Variants in VARS2 observed in about 807,000 individuals in gnomAD.
The protein encoded by VARS2 is valine--tRNA ligase, mitochondrial.
VARS2 carries 105 observed loss-of-function variants against 154.1 expected under a neutral mutation model. The ratio of observed to expected loss-of-function variants is 0.68; its 90% CI spans 0.58 to 0.80. The LOEUF (loss-of-function observed/expected upper bound fraction) is 0.80. Among genes scored for constraint, VARS2 ranks in the 30% least tolerant of loss-of-function variants. The probability of loss-of-function intolerance (pLI) is 0.00; values close to 1 mark genes in which losing one functional copy is unlikely to be tolerated. For missense variants in VARS2, 1,157 were observed against 1,361.4 expected (o/e 0.85, Z 2.36); for synonymous variants, 483 against 539.5 (o/e 0.90, Z 1.45).
intron 4 of VARS2, 60 bp downstream of exon 4, chr6:30,915,515 C>A (rs1794099004): frequency 6.5e-7 from 1 of 1,534,242 alleles, no homozygotes; most frequent in African/African-American, 1.4e-5. Flanking sequence ...CCCTTGAATA[C>A]AACTGGACCT....
Position 30,920,282 on chromosome 6 carries a change from T to G in VARS2, c.1294-51T>G. The G allele has an allele frequency of 6.4e-7, 1 of 1,572,476 alleles. No homozygotes were observed. The highest frequency in any genetic ancestry group is 8.6e-7 in the Non-Finnish European group (1 of 1,160,886). On this transcript the variant is annotated intron_variant, in intron 13 of 29. Coordinates refer to ENST00000676266, the MANE Select transcript of VARS2 (RefSeq NM_020442.6). The surrounding 1 kb of genome is among the most constrained non-coding windows in gnomAD (Gnocchi z 4.6). Reference sequence around the variant, plus strand: ...TGTCCCCCTAATCCTCCTCCTAGTTTCTTATTTCTCTAGAGGCCTTCAGTC... The same window carrying G: ...TGTCCCCCTAATCCTCCTCCTAGTTGCTTATTTCTCTAGAGGCCTTCAGTC...
rs771911030 is a variant in VARS2 at position 30,919,780 on chromosome 6, G to T, written c.1097G>T (p.Arg366Leu). The change falls in exon 12 of 30, where the codon CGT (arginine) becomes CTT (leucine). Residue 366 changes from arginine to leucine, a missense_variant. Transcript: ENST00000676266. The surrounding 1 kb of genome is among the most constrained non-coding windows in gnomAD (Gnocchi z 4.5). The part of the protein sequence containing the change: ...RYTHLHGRQL[R>L]HPLMGQPLPL... The stretch of plus-strand genomic sequence containing the variant: ...CAGCATCTACACGGGCGACAGCTTC[G>T]TCACCCCTTGATGGGGCAGCCTCTT... 6.4e-5 allele frequency: 101 copies of T among 1,587,470 alleles called. No individual in the cohort carries two copies. Among genetic ancestry groups the T allele is most frequent in the Non-Finnish European group, 8.6e-5 (100 of 1,163,482 alleles).
intron 26 of VARS2, 41 bp from the exon 27 acceptor site, chr6:30,925,233 C>T: frequency 3.9e-6 from 6 of 1,531,210 alleles, no homozygotes; most frequent in East Asian, 2.3e-5. Context: ...CTGAGTCTCC[C>T]AGGAGCCCCT....
intron 20 of VARS2, 26 bp from the exon 21 acceptor site, chr6:30,922,424 C>T (rs201336919): frequency 1.9e-6 from 3 of 1,610,076 alleles, no homozygotes; most frequent in East Asian, 2.2e-5. Context: ...GGAAACCCCC[C>T]TCTGTTGACC....
rs755662743 is a variant in VARS2 at position 30,915,462 on chromosome 6, A to G, written c.384+7A>G. On this transcript the variant is annotated splice_region_variant and intron_variant, in intron 4 of 29. Coordinates refer to ENST00000676266, the MANE Select transcript of VARS2 (RefSeq NM_020442.6). ...CTTCAAACCAGAATATCAGGTTAGT[A>G]TCTGGCAGGGAGGGGTCCTAAATTG... 3.7e-6 allele frequency: 6 copies of G among 1,613,220 alleles called. No homozygotes were observed. In the East Asian group the frequency reaches 8.9e-5, roughly 24 times the overall value.
At chr6:30,925,431 G>T (rs771434082) in intron 27 of VARS2, 46 bp downstream of exon 27, 19 of 1,582,612 alleles carry the variant, frequency 1.2e-5, no homozygotes, top group Non-Finnish European at 1.6e-5. Context: ...AGGAAAAGGG[G>T]GCTGGTGGGG....
chr6:30,920,900 C>T lies in VARS2; in HGVS notation c.1479+151C>T. 9.0e-7 allele frequency: 1 copy of T among 1,114,782 alleles called. No individual in the cohort carries two copies. The highest frequency in any genetic ancestry group is 1.6e-5 in the South Asian group (1 of 61,226). 69.1% of individuals were successfully genotyped at this position (1,114,782 alleles called of 1,614,324 possible). ...GATGTGTGGGATGGAGGCTGGGCGGCCCAGCAAGGGCTGGCTCATATCCTT... is the reference window on the plus strand; with the variant it reads ...GATGTGTGGGATGGAGGCTGGGCGGTCCAGCAAGGGCTGGCTCATATCCTT... On this transcript the variant is annotated intron_variant, in intron 15 of 29. Coordinates refer to ENST00000676266, the MANE Select transcript of VARS2 (RefSeq NM_020442.6). The surrounding 1 kb of genome is among the most constrained non-coding windows in gnomAD (Gnocchi z 4.6).
chr6:30,916,100 CAA>C lies in VARS2; in HGVS notation c.574-50_574-49del. 2.0e-6 allele frequency: 3 copies of C among 1,522,780 alleles called. No individual in the cohort carries two copies. The highest frequency in any genetic ancestry group is 2.5e-5 in the East Asian group (1 of 40,236). The allele number at this position is 1,522,780 out of a possible 1,614,324, so 94.3% of individuals were successfully genotyped here. On this transcript the variant is annotated intron_variant, in intron 6 of 29. Transcript: ENST00000676266. This position sits in a 1 kb window ranked among gnomAD's most constrained non-coding sequence, Gnocchi z 4.0. ...CTTGGGCAAAAGCAATTTCTTCCCCCAAAGCAACCAAGCAACCTGACTCTGTT... is the reference window on the plus strand; with the variant it reads ...CTTGGGCAAAAGCAATTTCTTCCCCCAGCAACCAAGCAACCTGACTCTGTT...
chr6:30,915,582 G>T, intron 4 of VARS2, 127 bp downstream of exon 4: 2 of 1,441,558 alleles, frequency 1.4e-6, no homozygotes, highest in South Asian at 1.3e-5. Context: ...TGTCTCCAAA[G>T]ATTTCTCTTG....
At position 30,917,359 on chromosome 6, in the gene VARS2, C is replaced by T; in HGVS notation, c.873+135C>T. The T allele has an allele frequency of 1.4e-6, 2 of 1,412,282 alleles. No individual in the cohort carries two copies. Among genetic ancestry groups the T allele is most frequent in the Non-Finnish European group, 2.0e-6 (2 of 1,016,258 alleles). The allele number at this position is 1,412,282 out of a possible 1,614,324, so 87.5% of individuals were successfully genotyped here. A position where few individuals can be genotyped will look rare whatever the true frequency, so the allele number is the denominator to read the frequency against. ...CCTGTTACAGCTGTGTGGCTTTTGGCAGGCCGTTTAGTCTCTTTAAGCCTC... is the reference window on the plus strand; with the variant it reads ...CCTGTTACAGCTGTGTGGCTTTTGGTAGGCCGTTTAGTCTCTTTAAGCCTC... On this transcript the variant is annotated intron_variant, in intron 9 of 29. Coordinates refer to ENST00000676266, the MANE Select transcript of VARS2 (RefSeq NM_020442.6). The surrounding 1 kb of genome is among the most constrained non-coding windows in gnomAD (Gnocchi z 4.4).
In VARS2 at chr6:30,916,345, C is replaced by A; in HGVS notation, c.671+96C>A. 9.5e-7 allele frequency: 1 copy of A among 1,052,450 alleles called. No homozygotes were observed. Among genetic ancestry groups the A allele is most frequent in the Non-Finnish European group, 1.4e-6 (1 of 734,434 alleles). 65.2% of individuals were successfully genotyped at this position (1,052,450 alleles called of 1,614,324 possible). A position where few individuals can be genotyped will look rare whatever the true frequency, so the allele number is the denominator to read the frequency against. The stretch of plus-strand genomic sequence containing the variant: ...TCCTGACTTGTAATCCTTGGCTCTT[C>A]CCGACACAGCTCTGACTTCCTCAGA... On this transcript the variant is annotated intron_variant, in intron 7 of 29. Transcript: ENST00000676266. This position sits in a 1 kb window ranked among gnomAD's most constrained non-coding sequence, Gnocchi z 4.0.
At chr6:30,925,844 C>G in intron 28 of VARS2, 36 bp from the exon 29 acceptor site, 1 of 1,611,408 alleles carries the variant, frequency 6.2e-7, no homozygotes, top group South Asian at 1.1e-5. Flanking sequence ...TGGCAGCAGG[C>G]GGATGTCTGA....
At position 30,920,255 on chromosome 6, in the gene VARS2, T is replaced by C; in HGVS notation, c.1293+39T>C. 3.8e-6 allele frequency: 6 copies of C among 1,561,052 alleles called. No homozygotes were observed. The highest frequency in any genetic ancestry group is 5.2e-6 in the Non-Finnish European group (6 of 1,153,838). On this transcript the variant is annotated intron_variant, in intron 13 of 29. Coordinates refer to ENST00000676266, the MANE Select transcript of VARS2 (RefSeq NM_020442.6). This position sits in a 1 kb window ranked among gnomAD's most constrained non-coding sequence, Gnocchi z 4.6. The stretch of plus-strand genomic sequence containing the variant: ...ATGTTACCCCATCCTTTGGGGGCTC[T>C]CTGTCCCCCTAATCCTCCTCCTAGT...
Position 30,925,929 on chromosome 6 carries a change from A to T in VARS2, c.3011A>T (p.Tyr1004Phe). The T allele has an allele frequency of 6.2e-7, 1 of 1,613,068 alleles. No homozygotes were observed. Among genetic ancestry groups the T allele is most frequent in the Non-Finnish European group, 8.5e-7 (1 of 1,180,024 alleles). Residue 1004 changes from tyrosine to phenylalanine, a missense_variant, in exon 29 of 30, where the codon TAC becomes TTC. Physicochemically the swap from Tyr to Phe is conservative, Grantham distance 22. Transcript: ENST00000676266. ...CTACCTCTGTTAGCCGCCCGAAGGT[A>T]CAAGTTGCAGAAGCAGCTTGACAGC... is the stretch of plus-strand genomic sequence containing the variant. ...IQLPLLAARR[Y>F]KLQKQLDSLT...
rs758429375 is a variant in VARS2 at position 30,925,954 on chromosome 6, C to G, written c.3036C>G (p.Ser1012Arg). The G allele has an allele frequency of 1.2e-5, 20 of 1,612,966 alleles. No homozygotes were observed. In the African/African-American group the frequency reaches 2.0e-4, roughly 16 times the overall value. Residue 1012 changes from serine (S) to arginine (R), a missense_variant, in exon 29 of 30, where the codon AGC becomes AGG. Coordinates refer to ENST00000676266, the MANE Select transcript of VARS2 (RefSeq NM_020442.6). ...ACAAGTTGCAGAAGCAGCTTGACAG[C>G]CTCACAGCCAGGACCCCATCAGAAG... ...RRYKLQKQLDSLTARTPSEGE... is the reference protein window; with the variant it reads ...RRYKLQKQLDRLTARTPSEGE...
In VARS2 at chr6:30,916,277, G is replaced by T. The variant is rs1562448591; in HGVS notation, c.671+28G>T. ...GAGTATGATGGGCAGGACTCGGGGG[G>T]CCCAGATGGCAGATTTGGTTTCTTG... On this transcript the variant is annotated intron_variant, in intron 7 of 29. Transcript: ENST00000676266. The surrounding 1 kb of genome is among the most constrained non-coding windows in gnomAD (Gnocchi z 4.0). 1 of 1,576,674 alleles carries T rather than the reference G, an allele frequency of 6.3e-7. No homozygotes were observed. Among genetic ancestry groups the T allele is most frequent in the East Asian group, 2.3e-5 (1 of 44,352 alleles).
Position 30,921,792 on chromosome 6 carries a change from A to G in VARS2, c.1735+101A>G. 6.5e-7 allele frequency: 1 copy of G among 1,542,608 alleles called. No individual in the cohort carries two copies. Among genetic ancestry groups the G allele is most frequent in the Admixed American group, 1.8e-5 (1 of 54,856 alleles). On this transcript the variant is annotated intron_variant, in intron 18 of 29. Transcript: ENST00000676266. This position sits in a 1 kb window ranked among gnomAD's most constrained non-coding sequence, Gnocchi z 4.6. ...CCAAGATACAGAAGGTAGGGTCAGG[A>G]AAGTTGGGAATGGAGCCAAAGGGGA...
At position 30,916,615 on chromosome 6, in the gene VARS2, A is replaced by T. The variant is rs749447536; in HGVS notation, c.672-263A>T. 1.8e-6 allele frequency: 1 copy of T among 547,100 alleles called. No homozygotes were observed. The highest frequency in any genetic ancestry group is 3.2e-6 in the Non-Finnish European group (1 of 310,630). The allele number at this position is 547,100 out of a possible 1,614,324, so 33.9% of individuals were successfully genotyped here. On this transcript the variant is annotated intron_variant, in intron 7 of 29. Coordinates refer to ENST00000676266, the MANE Select transcript of VARS2 (RefSeq NM_020442.6). This position sits in a 1 kb window ranked among gnomAD's most constrained non-coding sequence, Gnocchi z 4.0. ...CTCATTCTTCTGGGTCTGTTATCTC[A>T]TGCCATCTCTGTGAAGCATCCTTGG...
rs773502446 is a variant in VARS2 at position 30,920,221 on chromosome 6, TAC to T, written c.1293+6_1293+7del. On this transcript the variant is annotated splice_donor_region_variant and intron_variant, in intron 13 of 29. Transcript: ENST00000676266. This position sits in a 1 kb window ranked among gnomAD's most constrained non-coding sequence, Gnocchi z 4.6. The stretch of plus-strand genomic sequence containing the variant: ...CTCTGCGGGGACTGGCTGCAGGTGG[TAC>T]CACCCTATGTTACCCCATCCTTTGG... 1.3e-6 allele frequency: 2 copies of T among 1,565,852 alleles called. No homozygotes were observed. Among genetic ancestry groups the T allele is most frequent in the Non-Finnish European group, 1.7e-6 (2 of 1,155,180 alleles).
Sources: allele counts gnomAD v4.1 joint callset, GRCh38; gene constraint gnomAD v4.1.1; non-coding constraint Gnocchi (gnomAD v3.1); transcripts MANE v1.5; gene names NCBI Gene and HGNC (gene_info 2026-07-23, HGNC 2026-07-21).